The following KLHDC4 variants were observed in gnomAD, a reference collection of about 807,000 sequenced individuals.
The protein encoded by KLHDC4 is kelch domain-containing protein 4.
KLHDC4 carries 90 observed loss-of-function variants against 62.4 expected under a neutral mutation model. The ratio of observed to expected loss-of-function variants is 1.44; its 90% CI spans 1.22 to 1.72. KLHDC4 has a LOEUF of 1.72. Ranked by LOEUF, KLHDC4 falls within the 40% of genes most tolerant of loss-of-function variation. The pLI is 0.00. For synonymous variants in KLHDC4, 386 were observed against 284.4 expected, an observed-to-expected ratio of 1.36 and a Z score of -3.59; for missense variants, 1,025 against 699.7, an observed-to-expected ratio of 1.47 and a Z score of -5.25.
chr16:87,742,442 T>C (rs1597255170), intron 5 of KLHDC4, among the ~76,000 whole-genome samples: 1 of 152,196 alleles, frequency 6.6e-6, no homozygotes, highest in East Asian at 1.9e-4. Context: ...ATGAATATTC[T>C]TACTTCTTTT....
exon 1 of KLHDC4, chr16:87,702,501 A>G (rs1231130290): frequency 8.4e-6 from 3 of 357,802 alleles, no homozygotes; most frequent in African/African-American, 6.4e-5. Flanking sequence ...CTCCGGCAGC[A>G]ACTTCCCAGG....
intron 5 of KLHDC4, among the ~76,000 whole-genome samples, chr16:87,747,299 C>T (rs1403658980): frequency 6.6e-6 from 1 of 152,090 alleles, no homozygotes; most frequent in Admixed American, 6.5e-5. Context: ...CAAGAGATAC[C>T]AAAGCTGACA....
intron 5 of KLHDC4, among the ~76,000 whole-genome samples, chr16:87,743,394 C>A (rs1000046866): frequency 1.3e-5 from 2 of 152,150 alleles, no homozygotes; most frequent in Non-Finnish European, 2.9e-5. Flanking sequence ...TGCACCCGGC[C>A]TGGACTCTAC....
intron 6 of KLHDC4, among the ~76,000 whole-genome samples, chr16:87,727,318 C>G (rs759966685): frequency 6.6e-6 from 1 of 152,214 alleles, no homozygotes; most frequent in African/African-American, 2.4e-5. Flanking sequence ...TTTTCTTACA[C>G]AGTTAACACA....
chr16:87,711,587 TG>T (rs2142934947), intron 8 of KLHDC4, 144 bp from the exon 9 acceptor site: 1 of 663,590 alleles, frequency 1.5e-6, no homozygotes, highest in Non-Finnish European at 2.5e-6. Flanking sequence ...CTGCTCCCTC[TG>T]CAGAAAAACA....
intron 2 of KLHDC4, among the ~76,000 whole-genome samples, chr16:87,759,436 A>G (rs544244759): frequency 6.7e-6 from 1 of 148,746 alleles, no homozygotes; most frequent in East Asian, 2.0e-4. Context: ...AAAAAAAGAA[A>G]AAAAAAAACT....
chr16:87,723,008 C>G (rs901900931), intron 7 of KLHDC4, among the ~76,000 whole-genome samples: 1 of 152,206 alleles, frequency 6.6e-6, no homozygotes, highest in Non-Finnish European at 1.5e-5. Context: ...GCCTGGGCCG[C>G]GCAGCAGCAC....
intron 4 of KLHDC4, among the ~76,000 whole-genome samples, chr16:87,749,250 T>C (rs1281018809): frequency 6.6e-6 from 1 of 152,078 alleles, no homozygotes. Flanking sequence ...AAGTACAATG[T>C]GCACGTAAAA....
intron 4 of KLHDC4, among the ~76,000 whole-genome samples, chr16:87,752,005 G>T (rs1268638897): frequency 2.8e-5 from 4 of 142,810 alleles, no homozygotes; most frequent in Admixed American, 7.3e-5. Flanking sequence ...AACCCGGGAG[G>T]CATGAACCCG....
In KLHDC4 at chr16:87,708,355, T is replaced by G; in HGVS notation, c.1559A>C (p.Asp520Ala). ...EDSGEESGAE[D>A] ...GCCAGCCCGAGCCCGCTCACCTCAG[T>G]CCTCCGCACCGCTCTCCTCTCCGCT... Residue 520 changes from aspartate (D) to alanine (A), a missense_variant, in exon 11 of 12, where the codon GAC (aspartate) becomes GCC (alanine). Transcript: ENST00000270583. 6.3e-7 allele frequency: 1 copy of G among 1,593,572 alleles called. No individual in the cohort carries two copies. Among genetic ancestry groups the G allele is most frequent in the Non-Finnish European group, 8.6e-7 (1 of 1,168,922 alleles).
intron 6 of KLHDC4, among the ~76,000 whole-genome samples, chr16:87,729,033 T>C (rs1434900885): frequency 1.3e-5 from 2 of 152,088 alleles, no homozygotes; most frequent in Non-Finnish European, 2.9e-5. Flanking sequence ...CACCTCAGCC[T>C]CCCAAAGTGC....
intron 4 of KLHDC4, among the ~76,000 whole-genome samples, chr16:87,749,553 C>CAAAAA (rs74585020): frequency 1.4e-4 from 11 of 75,958 alleles, no homozygotes; most frequent in South Asian, 4.1e-4. Context: ...GACTCCATGT[C>CAAAAA]AAAAAAAAAA....
chr16:87,730,441 G>C (rs1370676952), intron 6 of KLHDC4, 111 bp downstream of exon 6: 2 of 906,228 alleles, frequency 2.2e-6, no homozygotes, highest in Non-Finnish European at 3.4e-6. Context: ...TCATGAAGCT[G>C]GATTTGGGAG....
chr16:87,744,403 G>A (rs1318649260), intron 5 of KLHDC4, among the ~76,000 whole-genome samples: 5 of 142,590 alleles, frequency 3.5e-5, no homozygotes, highest in African/African-American at 1.3e-4. Flanking sequence ...CGACGAGAAT[G>A]AGACTCCGTC....
intron 7 of KLHDC4, among the ~76,000 whole-genome samples, chr16:87,715,313 G>A (rs762369224): frequency 6.6e-6 from 1 of 152,128 alleles, no homozygotes; most frequent in South Asian, 2.1e-4. Flanking sequence ...AAATTGAGAC[G>A]ATAGTACCGA....
intron 2 of KLHDC4, among the ~76,000 whole-genome samples, chr16:87,756,794 C>A (rs1034289970): frequency 7.3e-5 from 11 of 150,852 alleles, no homozygotes; most frequent in African/African-American, 2.4e-4. Flanking sequence ...ATCAAATGTT[C>A]CAGAACTGTT....
At chr16:87,754,290 G>A (rs1291649991) in intron 4 of KLHDC4, among the ~76,000 whole-genome samples, 1 of 152,168 alleles carries the variant, frequency 6.6e-6, no homozygotes, top group Non-Finnish European at 1.5e-5. Flanking sequence ...AGGTTGCAAT[G>A]AGCCGAAATC....
chr16:87,741,018 G>C (rs2042155183), intron 5 of KLHDC4: 1 of 152,302 alleles, frequency 6.6e-6, no homozygotes, highest in East Asian at 1.9e-4. Flanking sequence ...TCCCGCACGT[G>C]AGTTTTGGTC....
intron 7 of KLHDC4, among the ~76,000 whole-genome samples, chr16:87,723,579 G>C (rs1033699737): frequency 6.6e-6 from 1 of 152,260 alleles, no homozygotes; most frequent in Non-Finnish European, 1.5e-5. Context: ...ATCTAGACAA[G>C]CCTGACCGAT....
Sources: gnomAD v4.1 joint callset for allele counts (sites outside exome capture counted in the v4.1 genomes callset) on GRCh38, gnomAD v4.1.1 for gene constraint, MANE v1.5 for transcripts, NCBI Gene and HGNC (gene_info 2026-07-23, HGNC 2026-07-21) for gene names.